SGO2: variants seen among roughly 807,000 people sequenced by gnomAD.
SGO2 encodes the protein shugoshin-like 2.
In SGO2, 68 loss-of-function variants were observed where a neutral mutation model predicts 99.5. That is an observed-to-expected ratio of 0.68 (90% confidence interval 0.56 to 0.84). SGO2 has a LOEUF of 0.84. SGO2 is among the 40% of genes least tolerant of loss of function. SGO2 has a pLI of 0.00. For synonymous variants in SGO2, 457 were observed against 487.1 expected, an observed-to-expected ratio of 0.94 and a Z score of 0.81; for missense variants, 1,350 against 1,436.7, an observed-to-expected ratio of 0.94 and a Z score of 0.97.
At chr2:200,574,037 GTTT>G in intron 7 of SGO2, 60 bp downstream of exon 7, 1 of 1,357,064 alleles carries the variant, frequency 7.4e-7, no homozygotes, top group African/African-American at 1.5e-5. Flanking sequence ...TTTTGTTTTC[GTTT>G]TTTACTTAGC....
chr2:200,573,233 A>G lies in SGO2; in HGVS notation c.2887A>G (p.Met963Val), dbSNP rs1374035045. 1.9e-6 allele frequency: 3 copies of G among 1,589,234 alleles called. No homozygotes were observed. Among genetic ancestry groups the G allele is most frequent in the East Asian group, 4.5e-5 (2 of 44,686 alleles). The part of the protein sequence containing the change: ...ECQDIINKHY[M>V]EVNSNEKESC... The stretch of plus-strand genomic sequence containing the variant: ...CCAAGACATTATCAATAAACACTAT[A>G]TGGAAGTCAACAGTAATGAAAAGGA... Residue 963 changes from methionine to valine, a missense_variant, in exon 7 of 9, where the codon ATG (methionine) becomes GTG (valine). Transcript: ENST00000357799.
At chr2:200,527,795 A>AG (rs2106296681) in intron 1 of SGO2, among the ~76,000 whole-genome samples, 2 of 152,378 alleles carry the variant, frequency 1.3e-5, no homozygotes, top group East Asian at 3.9e-4. Flanking sequence ...ACAATTTAGT[A>AG]GGAGAAAACA....
At chr2:200,546,524 C>CA (rs2032226958) in intron 5 of SGO2, among the ~76,000 whole-genome samples, 1 of 151,962 alleles carries the variant, frequency 6.6e-6, no homozygotes, top group South Asian at 2.1e-4. Flanking sequence ...CCCAAAAGGA[C>CA]AAAAAGCAGA....
At chr2:200,566,206 C>T (rs1367759100) in intron 5 of SGO2, among the ~76,000 whole-genome samples, 1 of 152,172 alleles carries the variant, frequency 6.6e-6, no homozygotes, top group Non-Finnish European at 1.5e-5. Context: ...GTGGTTTTAT[C>T]TGCCTTTGGT....
At chr2:200,536,246 T>C in intron 4 of SGO2, 104 bp downstream of exon 4, 1 of 624,012 alleles carries the variant, frequency 1.6e-6, no homozygotes. Context: ...TCAAGTTTTG[T>C]GCAAAGGACT....
intron 5 of SGO2, 156 bp downstream of exon 5, chr2:200,542,820 T>C (rs1228085685): frequency 2.0e-6 from 1 of 492,874 alleles, no homozygotes. Flanking sequence ...TATAGGTTGT[T>C]TCTCTAGGAC....
intron 2 of SGO2, 68 bp from the exon 3 acceptor site, chr2:200,534,928 A>T: frequency 9.5e-7 from 1 of 1,055,944 alleles, no homozygotes; most frequent in Non-Finnish European, 1.3e-6. Context: ...TCTATGTTTT[A>T]CTAAGGAATA....
In SGO2 at chr2:200,571,300, A is replaced by C; in HGVS notation, c.954A>C (p.Thr318=). The C allele has an allele frequency of 6.2e-7, 1 of 1,613,196 alleles. No homozygotes were observed. The highest frequency in any genetic ancestry group is 8.5e-7 in the Non-Finnish European group (1 of 1,179,328). ...AGATAAATGGTCATACTAATGAAAC[A>C]AATACTGAAATGCAAAGAAATAAAC... ...NNEINGHTNE[T]NTEMQRNKQD... The change falls in exon 7 of 9, where the codon ACA becomes ACC. Residue 318 remains threonine, a synonymous_variant. Coordinates refer to ENST00000357799, the MANE Select transcript of SGO2 (RefSeq NM_152524.6).
intron 4 of SGO2, 150 bp from the exon 5 acceptor site, chr2:200,542,429 T>G: frequency 1.9e-6 from 1 of 530,788 alleles, no homozygotes; most frequent in East Asian, 3.5e-5. Context: ...TGTTTTAACC[T>G]TATTATCACA....
rs1188848940 is a variant in SGO2 at position 200,535,012 on chromosome 2, C to T, written c.150C>T (p.Phe50=). The change falls in exon 3 of 9, where the codon TTC becomes TTT. Residue 50 remains phenylalanine, a synonymous_variant. Coordinates refer to ENST00000357799, the MANE Select transcript of SGO2 (RefSeq NM_152524.6). The stretch of plus-strand genomic sequence containing the variant: ...TTTTTACAGATAATTCTTCTATTTT[C>T]AAAATATCTTTAAAGCACAACAACA... ...KTKILNNSSI[F]KISLKHNNRA... The T allele has an allele frequency of 1.3e-6, 2 of 1,527,404 alleles. No individual in the cohort carries two copies. Among genetic ancestry groups the T allele is most frequent in the Non-Finnish European group, 1.7e-6 (2 of 1,149,940 alleles). The allele number at this position is 1,527,404 out of a possible 1,614,324, so 94.6% of individuals were successfully genotyped here. A position where few individuals can be genotyped will look rare whatever the true frequency, so the allele number is the denominator to read the frequency against.
chr2:200,527,179 G>A (rs553005478), intron 1 of SGO2, among the ~76,000 whole-genome samples: 3 of 152,336 alleles, frequency 2.0e-5, no homozygotes, highest in Non-Finnish European at 4.4e-5. Flanking sequence ...TTGCAGGGCA[G>A]TGTCAAGGAA....
At chr2:200,562,616 G>T (rs2033016494) in intron 5 of SGO2, among the ~76,000 whole-genome samples, 1 of 152,114 alleles carries the variant, frequency 6.6e-6, no homozygotes, top group Admixed American at 6.5e-5. Flanking sequence ...AGCTTGATGG[G>T]GATGGCATTG....
intron 5 of SGO2, among the ~76,000 whole-genome samples, chr2:200,549,656 A>T (rs886089676): frequency 3.3e-5 from 5 of 152,346 alleles, no homozygotes; most frequent in Middle Eastern, 3.4e-3. Flanking sequence ...CAAAAACTGT[A>T]TGATTATTTC....
chr2:200,572,545 AAGTAT>A lies in SGO2; in HGVS notation c.2202_2206del (p.Ser734ArgfsTer5). On this transcript the variant is annotated frameshift_variant, in exon 7 of 9. Coordinates refer to ENST00000357799, the MANE Select transcript of SGO2 (RefSeq NM_152524.6). LOFTEE classifies it high-confidence loss of function. ...AAGTGAATCATTTAGATAATGACAA[AAGTAT>A]AGAATACACAGTTAAAAGTCACTCA... 6.2e-7 allele frequency: 1 copy of A among 1,612,124 alleles called. No homozygotes were observed. The highest frequency in any genetic ancestry group is 8.5e-7 in the Non-Finnish European group (1 of 1,178,684).
At chr2:200,553,507 A>G (rs947884993) in intron 5 of SGO2, among the ~76,000 whole-genome samples, 18 of 152,146 alleles carry the variant, frequency 1.2e-4, no homozygotes, top group African/African-American at 3.6e-4. Flanking sequence ...CTCAAAAACA[A>G]CTGATGAGAC....
intron 5 of SGO2, among the ~76,000 whole-genome samples, chr2:200,546,328 G>A: frequency 7.3e-6 from 1 of 136,636 alleles, no homozygotes; most frequent in Non-Finnish European, 1.5e-5. Context: ...ACTCCAGCCT[G>A]GGCTATCGAG....
In SGO2 at chr2:200,572,410, G is replaced by T. The variant is rs1236278370; in HGVS notation, c.2064G>T (p.Val688=). Residue 688 remains valine, a synonymous_variant, in exon 7 of 9, where the codon GTG becomes GTT. Coordinates refer to ENST00000357799, the MANE Select transcript of SGO2 (RefSeq NM_152524.6). ...ENQCDYRTQN[V]LGLQKQITNM... Reference sequence around the variant, plus strand: ...AATGTGACTATAGGACCCAGAATGTGTTGGGTTTGCAAAAGCAGATCACCA... The same window carrying T: ...AATGTGACTATAGGACCCAGAATGTTTTGGGTTTGCAAAAGCAGATCACCA... The T allele has an allele frequency of 6.2e-7, 1 of 1,613,494 alleles. No individual in the cohort carries two copies. The highest frequency in any genetic ancestry group is 8.5e-7 in the Non-Finnish European group (1 of 1,179,588).
intron 4 of SGO2, among the ~76,000 whole-genome samples, chr2:200,536,610 G>A (rs577875859): frequency 5.3e-5 from 8 of 152,228 alleles, no homozygotes; most frequent in African/African-American, 1.9e-4. Context: ...AATTCAGAGG[G>A]CTGAGGTCAA....
chr2:200,526,195 C>T (rs889966319), upstream of SGO2: 35 of 152,572 alleles, frequency 2.3e-4, no homozygotes, highest in African/African-American at 7.5e-4. This position sits in a 1 kb window ranked among gnomAD's most constrained non-coding sequence, Gnocchi z 4.8. Context: ...CAAGCCGCAG[C>T]CGCTGCTGCT....
Sources: allele counts gnomAD v4.1 joint callset (sites outside exome capture counted in the v4.1 genomes callset), GRCh38; gene constraint gnomAD v4.1.1; non-coding constraint Gnocchi (gnomAD v3.1); transcripts MANE v1.5; gene names NCBI Gene and HGNC (gene_info 2026-07-23, HGNC 2026-07-21).